The following WDR17 variants were observed in gnomAD, a reference collection of about 807,000 sequenced individuals.
WDR17 encodes WD repeat domain 17.
Under a neutral mutation model 161.7 loss-of-function variants are expected in WDR17, and 143 were observed. That is an observed-to-expected ratio of 0.88 (90% CI 0.77 to 1.02). The LOEUF (loss-of-function observed/expected upper bound fraction) is 1.02, where lower values mean the gene tolerates loss of function less well. Ranked by LOEUF, WDR17 falls within the 50% of genes least tolerant of loss-of-function variation. The pLI is 0.00. For missense variants in WDR17, 1,469 were observed against 1,520.9 expected (o/e 0.97, Z 0.57); for synonymous variants, 517 against 515.6 (o/e 1.00, Z -0.04).
At chr4:176,078,395 A>G (rs963681844) in intron 1 of WDR17, among the ~76,000 whole-genome samples, 3 of 152,160 alleles carry the variant, frequency 2.0e-5, no homozygotes, top group Non-Finnish European at 4.4e-5. Context: ...GGAGAGGATC[A>G]TCAAATACAA....
intron 1 of WDR17, among the ~76,000 whole-genome samples, chr4:176,102,541 C>T (rs569954343): frequency 6.6e-6 from 1 of 152,308 alleles, no homozygotes; most frequent in African/African-American, 2.4e-5. Context: ...AAAAGCAGCA[C>T]ATGGATGTTT....
chr4:176,176,152 A>G (rs1401871893), intron 26 of WDR17, among the ~76,000 whole-genome samples: 1 of 152,242 alleles, frequency 6.6e-6, no homozygotes, highest in Non-Finnish European at 1.5e-5. Context: ...ATATATAATG[A>G]TAAAAGTAAA....
In WDR17 at chr4:176,129,107, A is replaced by T. The variant is rs74632843; in HGVS notation, c.913+247A>T. On this transcript the variant is annotated intron_variant, in intron 6 of 28. Coordinates refer to ENST00000508596, the MANE Select transcript of WDR17 (RefSeq NM_181265.4). ...AGTAAGAATATTTAGATAATTTCAG[A>T]TTATCTACATGGAAAAGATGAATCA... is the stretch of plus-strand genomic sequence containing the variant. Among the ~76,000 whole-genome samples, 101 of 152,242 alleles carry T rather than the reference A, an allele frequency of 6.6e-4. No homozygotes were observed. The East Asian group carries it at 0.016, about 24-fold the overall frequency.
intron 1 of WDR17, among the ~76,000 whole-genome samples, chr4:176,097,580 CATATT>C (rs1737082890): frequency 6.6e-6 from 1 of 151,710 alleles, no homozygotes; most frequent in Non-Finnish European, 1.5e-5. Flanking sequence ...GAATAATACT[CATATT>C]GTAAATCCTA....
intron 1 of WDR17, among the ~76,000 whole-genome samples, chr4:176,078,997 AT>A (rs1734409055): frequency 6.6e-6 from 1 of 151,998 alleles, no homozygotes; most frequent in Non-Finnish European, 1.5e-5. Context: ...GTAATTTTGT[AT>A]TATTTAATCC....
At chr4:176,076,992 C>A (rs1202232226) in intron 1 of WDR17, among the ~76,000 whole-genome samples, 4 of 152,060 alleles carry the variant, frequency 2.6e-5, no homozygotes, top group Non-Finnish European at 5.9e-5. Flanking sequence ...GTAGTAGATT[C>A]TTTTTTCCTG....
chr4:176,125,372 A>T lies in WDR17; in HGVS notation c.790+17A>T. 1 of 1,610,280 alleles carries T rather than the reference A, an allele frequency of 6.2e-7. No individual in the cohort carries two copies. Among genetic ancestry groups the T allele is most frequent in the East Asian group, 2.2e-5 (1 of 44,800 alleles). ...TAACTGGAGGTAAGCTAATCCCCAT[A>T]ACCCAGAGTTTTAAATACGTGTATA... On this transcript the variant is annotated intron_variant, in intron 5 of 28. Coordinates refer to ENST00000508596, the MANE Select transcript of WDR17 (RefSeq NM_181265.4).
rs374621928 is a variant in WDR17 at position 176,099,432 on chromosome 4, G to T, written c.-6-12143G>T. Among the ~76,000 whole-genome samples, 26 of 152,254 alleles carry T rather than the reference G, an allele frequency of 1.7e-4. 1 individual carries two copies. The East Asian group carries it at 5.0e-3, about 29-fold the overall frequency. ...ACTTCACGGGAACCCAGTAATGGGG[G>T]TGGCGGGGGAGCTTTTGTAAGTTTT... is the stretch of plus-strand genomic sequence containing the variant. On this transcript the variant is annotated intron_variant, in intron 1 of 28. Coordinates refer to ENST00000508596, the MANE Select transcript of WDR17 (RefSeq NM_181265.4).
At chr4:176,117,389 T>G (rs1468950433) in intron 3 of WDR17, among the ~76,000 whole-genome samples, 1 of 152,044 alleles carries the variant, frequency 6.6e-6, no homozygotes, top group Non-Finnish European at 1.5e-5. Flanking sequence ...AAATTTTTCT[T>G]GAAATTCTTT....
At chr4:176,167,206 T>C (rs1051677984) in intron 22 of WDR17, among the ~76,000 whole-genome samples, 2 of 152,188 alleles carry the variant, frequency 1.3e-5, no homozygotes, top group Admixed American at 6.5e-5. Context: ...AAATGACTAA[T>C]GTAGATTTTA....
intron 18 of WDR17, among the ~76,000 whole-genome samples, chr4:176,157,154 C>A (rs528495194): frequency 6.6e-6 from 1 of 152,124 alleles, no homozygotes; most frequent in Non-Finnish European, 1.5e-5. Context: ...CTATTTTATT[C>A]TACTCTCTTC....
chr4:176,083,152 G>T (rs1368805896), intron 1 of WDR17, among the ~76,000 whole-genome samples: 1 of 149,778 alleles, frequency 6.7e-6, no homozygotes, highest in African/African-American at 2.4e-5. Context: ...TTTTAGACTT[G>T]TTATATTACC....
At chr4:176,154,660 TC>T (rs1277394649) in intron 17 of WDR17, among the ~76,000 whole-genome samples, 1 of 152,176 alleles carries the variant, frequency 6.6e-6, no homozygotes, top group Admixed American at 6.5e-5. Context: ...GAGAGAGATT[TC>T]CCCTGAAAAC....
chr4:176,076,629 T>C (rs1437212851), intron 1 of WDR17, among the ~76,000 whole-genome samples: 1 of 151,958 alleles, frequency 6.6e-6, no homozygotes, highest in East Asian at 1.9e-4. Context: ...ATATGATTTT[T>C]TTTTGCAATT....
rs1160453256 is a variant in WDR17, at chr4:176,173,351, T to A, written c.3329T>A (p.Leu1110His). The A allele has an allele frequency of 6.2e-7, 1 of 1,612,060 alleles. No homozygotes were observed. The highest frequency in any genetic ancestry group is 1.1e-5 in the South Asian group (1 of 90,826). ...LLSYIRTEKL[L>H]LHTCTEARNE... Reference sequence around the variant, plus strand: ...AGCTATATTCGTACTGAAAAATTACTCTTGCATACGTGTACTGAGTGAGTA... The same window carrying A: ...AGCTATATTCGTACTGAAAAATTACACTTGCATACGTGTACTGAGTGAGTA... Residue 1110 changes from leucine to histidine, a missense_variant, in exon 25 of 29, where the codon CTC becomes CAC. Leu to His is a moderately conservative substitution (Grantham distance 99, BLOSUM62 -3). Coordinates refer to ENST00000508596, the MANE Select transcript of WDR17 (RefSeq NM_181265.4).
rs1382228538 is a variant in WDR17 at position 176,091,045 on chromosome 4, G to A, written c.-6-20530G>A. On this transcript the variant is annotated intron_variant, in intron 1 of 28. Coordinates refer to ENST00000508596, the MANE Select transcript of WDR17 (RefSeq NM_181265.4). ...TGGTAAGCCAACAACCTCCCAGCGT[G>A]GGCATCATGGCCATCACAAGCATGT... Among the ~76,000 whole-genome samples, 3 of 152,172 alleles carry A rather than the reference G, an allele frequency of 2.0e-5. No individual in the cohort carries two copies. The East Asian group carries it at 5.8e-4, about 29-fold the overall frequency.
chr4:176,165,473 A>G (rs1156582498), intron 22 of WDR17, among the ~76,000 whole-genome samples: 5 of 152,190 alleles, frequency 3.3e-5, no homozygotes, highest in African/African-American at 7.2e-5. Context: ...TCCAAAATCC[A>G]TCTATATCTT....
intron 1 of WDR17, among the ~76,000 whole-genome samples, chr4:176,109,628 GAT>G (rs1314511991): frequency 2.0e-5 from 3 of 152,166 alleles, no homozygotes; most frequent in Admixed American, 6.5e-5. Flanking sequence ...AAATAGAAAA[GAT>G]AAAATGAAGA....
chr4:176,153,496 TG>T (rs2126825037), intron 17 of WDR17, among the ~76,000 whole-genome samples: 1 of 152,318 alleles, frequency 6.6e-6, no homozygotes, highest in East Asian at 1.9e-4. Context: ...GTTGATTACA[TG>T]GGCATACTCA....
Sources: allele counts gnomAD v4.1 joint callset (sites outside exome capture counted in the v4.1 genomes callset), GRCh38; gene constraint gnomAD v4.1.1; transcripts MANE v1.5; gene names NCBI Gene and HGNC (gene_info 2026-07-23, HGNC 2026-07-21).